Variants in LIFR observed in about 807,000 individuals in gnomAD.
LIFR encodes the protein leukemia inhibitory factor receptor.
Under a neutral mutation model 122.2 loss-of-function variants are expected in LIFR, and 84 were observed. The observed-to-expected ratio is 0.69, with a 90% confidence interval of 0.58 to 0.82. LIFR has a LOEUF of 0.82. LIFR is among the 40% of genes least tolerant of loss of function. The pLI is 0.00. For synonymous variants in LIFR, 422 were observed against 434.7 expected (o/e 0.97, Z 0.36); for missense variants, 1,294 against 1,311.6 (o/e 0.99, Z 0.21).
intron 16 of LIFR, among the ~76,000 whole-genome samples, chr5:38,487,237 T>C (rs1431618170): frequency 2.6e-5 from 4 of 152,202 alleles, no homozygotes; most frequent in African/African-American, 9.6e-5. Context: ...TAGTAGCTTC[T>C]TGAGAAAAGC....
intron 1 of LIFR, among the ~76,000 whole-genome samples, chr5:38,585,290 A>G (rs1261161077): frequency 6.6e-6 from 1 of 152,238 alleles, no homozygotes; most frequent in Non-Finnish European, 1.5e-5. Context: ...TTTCAGTTTT[A>G]GTAACTGTAA....
intron 4 of LIFR, among the ~76,000 whole-genome samples, chr5:38,524,446 G>A (rs532360723): frequency 6.6e-6 from 1 of 152,260 alleles, no homozygotes; most frequent in Non-Finnish European, 1.5e-5. Flanking sequence ...AGCAATCCTG[G>A]CTAGAGTGAC....
At chr5:38,557,958 C>T (rs1427944864), upstream of LIFR, 4 of 152,102 alleles carry the variant, frequency 2.6e-5, no homozygotes, top group South Asian at 4.1e-4. Context: ...TACCCTTATT[C>T]TTGAGTCCTT....
intron 1 of LIFR, among the ~76,000 whole-genome samples, chr5:38,576,037 C>T (rs1270849318): frequency 1.3e-5 from 2 of 152,146 alleles, no homozygotes; most frequent in African/African-American, 4.8e-5. Context: ...TGTGGAAAGA[C>T]CATGGCTTTG....
Position 38,481,661 on chromosome 5 carries a change from G to T in LIFR, c.3228C>A (p.Asp1076Glu), listed in dbSNP as rs1218308033. ...ACCCTCCTCCATTAGATTTAGGAGA[G>T]TCTTCATCTTTAGGAGGAATCAAAA... Reference protein sequence around the residue: ...RQFLIPPKDEDSPKSNGGGWS... With the variant: ...RQFLIPPKDEESPKSNGGGWS... Residue 1076 changes from aspartate to glutamate, a missense_variant, in exon 20 of 20, where the codon GAC becomes GAA. By Grantham distance (45) the Asp-to-Glu change is conservative. Transcript: ENST00000453190. 5 of 1,613,910 alleles carry T rather than the reference G, an allele frequency of 3.1e-6. No homozygotes were observed. The African/African-American group carries it at 6.7e-5, about 22-fold the overall frequency.
intron 1 of LIFR, among the ~76,000 whole-genome samples, chr5:38,542,034 T>G (rs1209304596): frequency 6.6e-6 from 1 of 152,248 alleles, no homozygotes; most frequent in Non-Finnish European, 1.5e-5. Context: ...GTATTAAAAT[T>G]GGAGGATTCA....
intron 5 of LIFR, among the ~76,000 whole-genome samples, chr5:38,512,296 C>A (rs1745842926): frequency 6.6e-6 from 1 of 151,960 alleles, no homozygotes; most frequent in African/African-American, 2.4e-5. Flanking sequence ...GCATTATATA[C>A]TTCTCAGATG....
chr5:38,539,024 G>A (rs1041721590), intron 1 of LIFR, among the ~76,000 whole-genome samples: 12 of 151,890 alleles, frequency 7.9e-5, no homozygotes, highest in Admixed American at 4.6e-4. Context: ...GCAGTGGCGC[G>A]ATCTCGGCTC....
At chr5:38,522,246 G>A (rs1462351344) in intron 5 of LIFR, among the ~76,000 whole-genome samples, 1 of 152,224 alleles carries the variant, frequency 6.6e-6, no homozygotes, top group African/African-American at 2.4e-5. Context: ...GTTGCAGGCA[G>A]GGGACTCTGG....
intron 5 of LIFR, among the ~76,000 whole-genome samples, chr5:38,519,858 T>C (rs1561169646): frequency 6.6e-6 from 1 of 152,222 alleles, no homozygotes; most frequent in Admixed American, 6.5e-5. Context: ...CACATTTTCT[T>C]TATCCACTCA....
Position 38,511,924 on chromosome 5 carries a change from T to C in LIFR, c.602A>G (p.His201Arg). 3.1e-6 allele frequency: 5 copies of C among 1,614,152 alleles called. No individual in the cohort carries two copies. The highest frequency in any genetic ancestry group is 4.2e-6 in the Non-Finnish European group (5 of 1,180,010). ...CATATCTGAGGCCCAACTCCAGTGATGAAGTGTATCTTTGCCATTCAGAGT... is the reference window on the plus strand; with the variant it reads ...CATATCTGAGGCCCAACTCCAGTGACGAAGTGTATCTTTGCCATTCAGAGT... ...NTTLNGKDTL[H>R]HWSWASDMPL... Residue 201 changes from histidine (H) to arginine (R), a missense_variant, in exon 6 of 20, where the codon CAT (histidine) becomes CGT (arginine). Physicochemically the swap from His to Arg is conservative, Grantham distance 29. Transcript: ENST00000453190.
In LIFR at chr5:38,513,486, T is replaced by C. The variant is rs531412594; in HGVS notation, c.562-1522A>G. On this transcript the variant is annotated intron_variant, in intron 5 of 19. Coordinates refer to ENST00000453190, the MANE Select transcript of LIFR (RefSeq NM_001127671.2). ...TTTACCTTGGCAGAAGAATAAAGAT[T>C]TATGTTCTGGAAAAGTAAAACAGAA... 2.0e-5 allele frequency among the ~76,000 whole-genome samples: 3 copies of C among 152,304 alleles called. No individual in the cohort carries two copies. The South Asian group carries it at 6.2e-4, about 32-fold the overall frequency.
At position 38,524,043 on chromosome 5, in the gene LIFR, G is replaced by A. The variant is rs146867859; in HGVS notation, c.398-461C>T. Among the ~76,000 whole-genome samples, 305 of 152,310 alleles carry A rather than the reference G, an allele frequency of 2.0e-3. 3 individuals are homozygous for A. Among genetic ancestry groups the A allele is most frequent in the African/African-American group, 6.9e-3 (288 of 41,570 alleles). On this transcript the variant is annotated intron_variant, in intron 4 of 19. Coordinates refer to ENST00000453190, the MANE Select transcript of LIFR (RefSeq NM_001127671.2). ...AGTGTCATTTAGTCAGGAACCTACA[G>A]GTAGGCAACATCAGAGAGAAGAAAA...
At chr5:38,582,770 G>A (rs866111697) in intron 1 of LIFR, among the ~76,000 whole-genome samples, 3 of 152,038 alleles carry the variant, frequency 2.0e-5, no homozygotes, top group East Asian at 3.9e-4. Flanking sequence ...TCTTAGTTTC[G>A]GTTCTCATCA....
At chr5:38,489,380 G>C in intron 15 of LIFR, 135 bp from the exon 16 acceptor site, 1 of 780,064 alleles carries the variant, frequency 1.3e-6, no homozygotes, top group Non-Finnish European at 2.1e-6. Context: ...AACTTTCAGA[G>C]AGAGATGATC....
At chr5:38,510,763 T>A (rs1413462907) in intron 6 of LIFR, 45 bp from the exon 7 acceptor site, 1 of 1,526,758 alleles carries the variant, frequency 6.5e-7, no homozygotes, top group East Asian at 2.3e-5. Flanking sequence ...ATAGAAGTAT[T>A]TTACATAAAC....
intron 1 of LIFR, among the ~76,000 whole-genome samples, chr5:38,538,000 G>C (rs183345583): frequency 1.5e-3 from 227 of 152,116 alleles, no homozygotes; most frequent in African/African-American, 5.1e-3. Context: ...CTCATGCCGG[G>C]ACTATGCAAA....
At chr5:38,526,953 T>G (rs182040900) in intron 4 of LIFR, among the ~76,000 whole-genome samples, 69 of 152,282 alleles carry the variant, frequency 4.5e-4, no homozygotes, top group African/African-American at 1.6e-3. Flanking sequence ...GGAAGGAGCC[T>G]GAATTCTGGG....
intron 6 of LIFR, 93 bp downstream of exon 6, chr5:38,511,697 G>A (rs758479035): frequency 2.5e-6 from 3 of 1,212,704 alleles, no homozygotes; most frequent in Non-Finnish European, 3.6e-6. Flanking sequence ...AGCTGAATGA[G>A]GTTATGAGAA....
Sources: gnomAD v4.1 joint callset for allele counts (sites outside exome capture counted in the v4.1 genomes callset) on GRCh38, gnomAD v4.1.1 for gene constraint, MANE v1.5 for transcripts, NCBI Gene and HGNC (gene_info 2026-07-23, HGNC 2026-07-21) for gene names.